TIMM23B: variants seen among roughly 807,000 people sequenced by gnomAD.
TIMM23B encodes mitochondrial import inner membrane translocase subunit Tim23B.
TIMM23B carries 27 observed loss-of-function variants against 27.3 expected under a neutral mutation model. That is an observed-to-expected ratio of 0.99 (90% CI 0.73 to 1.36). The LOEUF is 1.36. Among genes scored for constraint, TIMM23B ranks in the 40% most tolerant of loss-of-function variants. The pLI, the probability that TIMM23B is intolerant of heterozygous loss-of-function variation, is 0.00. For missense variants in TIMM23B, 205 were observed against 244.2 expected, an observed-to-expected ratio of 0.84 and a Z score of 1.07; for synonymous variants, 73 against 92.4, an observed-to-expected ratio of 0.79 and a Z score of 1.21.
chr10:49,945,568 A>G (rs1839329367), intron 2 of TIMM23B, among the ~76,000 whole-genome samples: 1 of 152,096 alleles, frequency 6.6e-6, no homozygotes, highest in Non-Finnish European at 1.5e-5. Flanking sequence ...CTCAATAGAG[A>G]CCGGGTTTCA....
chr10:49,961,385 A>G (rs1361218739), intron 6 of TIMM23B, among the ~76,000 whole-genome samples: 17 of 145,386 alleles, frequency 1.2e-4, no homozygotes, highest in African/African-American at 4.3e-4. Flanking sequence ...CTCTGTCTCA[A>G]AAAAAAAAAA....
Position 49,946,430 on chromosome 10 carries a change from CATG to C in TIMM23B, c.165+1343_165+1345del, listed in dbSNP as rs1477384404. Among the ~76,000 whole-genome samples, 611 of 152,278 alleles carry C rather than the reference CATG, an allele frequency of 4.0e-3. 4 individuals are homozygous for C. The highest frequency in any genetic ancestry group is 0.014 in the African/African-American group (594 of 41,558). On this transcript the variant is annotated intron_variant, in intron 2 of 6. Coordinates refer to ENST00000651259, the MANE Select transcript of TIMM23B (RefSeq NM_001290117.2). Reference sequence around the variant, plus strand: ...AGTTAAACTATCTGTTTACAAATGACATGATCTTATCTATAGAAAATCACAAGG... The same window carrying C: ...AGTTAAACTATCTGTTTACAAATGACATCTTATCTATAGAAAATCACAAGG...
chr10:49,964,932 C>T (rs11817945), intron 6 of TIMM23B, among the ~76,000 whole-genome samples: 29,239 of 150,114 alleles, frequency 0.19, 3,326 homozygotes, highest in Non-Finnish European at 0.27. Flanking sequence ...TGAAATGGAA[C>T]ATGAAATACT....
At chr10:49,955,112 A>G in intron 5 of TIMM23B, 52 bp downstream of exon 5, 1 of 1,565,204 alleles carries the variant, frequency 6.4e-7, no homozygotes. Flanking sequence ...GAAAGAATGC[A>G]CAAATATCAT....
chr10:49,954,733 CTTA>C (rs1262233769), intron 4 of TIMM23B, among the ~76,000 whole-genome samples: 33,906 of 144,934 alleles, frequency 0.23, 4,280 homozygotes, highest in Non-Finnish European at 0.3. Context: ...AAGAGTTTTC[CTTA>C]TTATTATTAT....
chr10:49,959,518 C>T (rs1339487534), intron 6 of TIMM23B, among the ~76,000 whole-genome samples: 2 of 152,132 alleles, frequency 1.3e-5, no homozygotes, highest in African/African-American at 4.8e-5. Context: ...TGTGTTGATA[C>T]ATCTTTGGCT....
intron 6 of TIMM23B, among the ~76,000 whole-genome samples, chr10:49,966,664 AAAAT>A (rs1840175112): frequency 6.6e-6 from 1 of 152,000 alleles, no homozygotes; most frequent in African/African-American, 2.4e-5. Context: ...CATCTCTACT[AAAAT>A]AAAAAAACTA....
intron 1 of TIMM23B, among the ~76,000 whole-genome samples, chr10:49,944,577 A>G (rs1182479861): frequency 6.6e-6 from 1 of 152,048 alleles, no homozygotes; most frequent in Non-Finnish European, 1.5e-5. Context: ...TAATATGTGA[A>G]GGAACTGCCT....
Position 49,973,131 on chromosome 10 carries a change from A to T in TIMM23B, c.*67A>T. ...ACTGAGAAGAAGCTACACAAAAGGC[A>T]GCAAAGTATTAGTAAGTGTACCTCT... On this transcript the variant is annotated 3_prime_UTR_variant, in exon 7 of 7. Coordinates refer to ENST00000651259, the MANE Select transcript of TIMM23B (RefSeq NM_001290117.2). 2 of 1,355,106 alleles carry T rather than the reference A, an allele frequency of 1.5e-6. No homozygotes were observed. Among genetic ancestry groups the T allele is most frequent in the Non-Finnish European group, 2.0e-6 (2 of 985,860 alleles). The allele number at this position is 1,355,106 out of a possible 1,614,324, so 83.9% of individuals were successfully genotyped here. A position where few individuals can be genotyped will look rare whatever the true frequency, so the allele number is the denominator to read the frequency against.
chr10:49,969,019 C>T (rs1180561231), intron 6 of TIMM23B, among the ~76,000 whole-genome samples: 2 of 152,180 alleles, frequency 1.3e-5, no homozygotes, highest in African/African-American at 4.8e-5. Context: ...AGGTATAATT[C>T]AGTGAATGTT....
chr10:49,943,907 G>C (rs1194950110), intron 1 of TIMM23B, among the ~76,000 whole-genome samples: 1 of 152,208 alleles, frequency 6.6e-6, no homozygotes, highest in Non-Finnish European at 1.5e-5. Context: ...TGCCATTTTA[G>C]AGCGGATTAG....
chr10:49,942,837 G>A (rs1321092247), intron 1 of TIMM23B, among the ~76,000 whole-genome samples: 1 of 152,206 alleles, frequency 6.6e-6, no homozygotes, highest in Non-Finnish European at 1.5e-5. Flanking sequence ...CATGAAGAAA[G>A]AAGCCAGGTA....
Position 49,942,198 on chromosome 10 carries a change from G to A in TIMM23B, c.4G>A (p.Glu2Lys), listed in dbSNP as rs1839133653. 5 of 1,603,218 alleles carry A rather than the reference G, an allele frequency of 3.1e-6. No individual in the cohort carries two copies. The East Asian group carries it at 6.8e-5, about 22-fold the overall frequency. The change falls in exon 1 of 7, where the codon GAA becomes AAA. Residue 2 changes from glutamate to lysine, a missense_variant. Coordinates refer to ENST00000651259, the MANE Select transcript of TIMM23B (RefSeq NM_001290117.2). ...CCACTCGGTTTGCTGCGATACCATG[G>A]AAGGAGGCGGGGGAAGCGGCGACAA... M[E>K]GGGGSGDKTT...
intron 6 of TIMM23B, among the ~76,000 whole-genome samples, chr10:49,962,896 T>G (rs1212567956): frequency 5.2e-5 from 7 of 133,726 alleles, no homozygotes; most frequent in African/African-American, 2.0e-4. Context: ...TACCATCACT[T>G]TTTTTTTTTT....
At chr10:49,946,386 G>A (rs1399815678) in intron 2 of TIMM23B, among the ~76,000 whole-genome samples, 1 of 152,106 alleles carries the variant, frequency 6.6e-6, no homozygotes, top group African/African-American at 2.4e-5. Context: ...ACATTAAATG[G>A]CATTCAAGTT....
chr10:49,971,914 ACACTT>A (rs1217106309), intron 6 of TIMM23B, among the ~76,000 whole-genome samples: 1 of 152,194 alleles, frequency 6.6e-6, no homozygotes, highest in Non-Finnish European at 1.5e-5. Flanking sequence ...AAAGGTATGA[ACACTT>A]ACTATGCTTC....
intron 6 of TIMM23B, among the ~76,000 whole-genome samples, chr10:49,970,650 G>A (rs1350807156): frequency 1.2e-4 from 15 of 127,648 alleles, no homozygotes; most frequent in South Asian, 2.6e-4. Flanking sequence ...CAGCTGCCCC[G>A]TCCGGGAGGG....
chr10:49,965,180 A>G (rs1159361727), intron 6 of TIMM23B, among the ~76,000 whole-genome samples: 2 of 151,114 alleles, frequency 1.3e-5, no homozygotes, highest in Non-Finnish European at 3.0e-5. Context: ...AGATCACACC[A>G]CTGCACTCCA....
chr10:49,947,903 G>C (rs1193676795), intron 2 of TIMM23B, among the ~76,000 whole-genome samples: 5 of 152,286 alleles, frequency 3.3e-5, no homozygotes, highest in African/African-American at 9.6e-5. Context: ...ACTCCAGCCT[G>C]GGTGACAGAG....
Sources: gnomAD v4.1 joint callset for allele counts (sites outside exome capture counted in the v4.1 genomes callset) on GRCh38, gnomAD v4.1.1 for gene constraint, MANE v1.5 for transcripts, NCBI Gene and HGNC (gene_info 2026-07-23, HGNC 2026-07-21) for gene names.